ABLIM1: variants seen among roughly 807,000 people sequenced by gnomAD.
The protein encoded by ABLIM1 is actin-binding LIM protein 1.
In ABLIM1, 40 loss-of-function variants were observed where a neutral mutation model predicts 107.0. The observed-to-expected ratio is 0.37, with a 90% CI of 0.29 to 0.49. The LOEUF is 0.49. ABLIM1 is among the 20% of genes least tolerant of loss of function. The probability of loss-of-function intolerance (pLI) is 0.97; values close to 1 mark genes in which losing one functional copy is unlikely to be tolerated. For synonymous variants in ABLIM1, 357 were observed against 357.3 expected (o/e 1.00, Z 0.01); for missense variants, 857 against 1,008.5 (o/e 0.85, Z 2.04).
chr10:114,544,949 C>T, intron 6 of ABLIM1, 56 bp downstream of exon 6: 2 of 1,541,826 alleles, frequency 1.3e-6, no homozygotes, highest in Non-Finnish European at 1.8e-6. Context: ...TTGTTTGTTT[C>T]TGAGGGCCGC....
In ABLIM1 at chr10:114,439,897, G is replaced by A. The variant is rs1352945944; in HGVS notation, c.2067+185C>T. 1.2e-5 allele frequency: 12 copies of A among 1,003,460 alleles called. No homozygotes were observed. In the African/African-American group the frequency reaches 1.6e-4, roughly 14 times the overall value. 62.2% of individuals were successfully genotyped at this position (1,003,460 alleles called of 1,614,324 possible). On this transcript the variant is annotated intron_variant, in intron 20 of 22. Coordinates refer to ENST00000533213, the MANE Select transcript of ABLIM1 (RefSeq NM_002313.7). The stretch of plus-strand genomic sequence containing the variant: ...GGTTCATGCAGTGTCCCCAAGGCCT[G>A]CAGGGACAGCTTGACCCAGGCACCA...
chr10:114,453,213 A>G (rs1269550144), intron 13 of ABLIM1, among the ~76,000 whole-genome samples, 166 bp downstream of exon 13: 1 of 152,254 alleles, frequency 6.6e-6, no homozygotes, highest in Non-Finnish European at 1.5e-5. Flanking sequence ...CCTGGCATTT[A>G]ACACATAAAA....
At chr10:114,443,954 G>T in intron 17 of ABLIM1, 75 bp downstream of exon 17, 2 of 1,206,122 alleles carry the variant, frequency 1.7e-6, no homozygotes, top group Non-Finnish European at 2.4e-6. Flanking sequence ...CACCACAAGT[G>T]AACAGTCAAG....
rs1333824574 is a variant in ABLIM1, at chr10:114,568,285, G to A, written c.673+3012C>T. ...AAAAGGGAAAAGAGCTAGGGCATGC[G>A]GGACTTAATACCTAGGTGATGGGTT... On this transcript the variant is annotated intron_variant, in intron 4 of 22. Transcript: ENST00000533213. Among the ~76,000 whole-genome samples, 12 of 151,708 alleles carry A rather than the reference G, an allele frequency of 7.9e-5. 1 individual carries two copies. The South Asian group carries it at 1.0e-3, about 13-fold the overall frequency.
chr10:114,447,783 T>C, intron 15 of ABLIM1, 97 bp downstream of exon 15: 1 of 1,520,542 alleles, frequency 6.6e-7, no homozygotes, highest in East Asian at 2.3e-5. Context: ...CTTTAAAATC[T>C]TCATAATAGG....
At chr10:114,706,495 C>A (rs2081424094) in intron 1 of ABLIM1, among the ~76,000 whole-genome samples, 1 of 152,214 alleles carries the variant, frequency 6.6e-6, no homozygotes, top group Non-Finnish European at 1.5e-5. Context: ...AATGCACAGT[C>A]CACATGCTGG....
At chr10:114,514,764 C>T (rs1208750535) in intron 6 of ABLIM1, among the ~76,000 whole-genome samples, 1 of 152,174 alleles carries the variant, frequency 6.6e-6, no homozygotes, top group Non-Finnish European at 1.5e-5. Context: ...GTACAGGAAG[C>T]AGGCCTCCCA....
intron 2 of ABLIM1, among the ~76,000 whole-genome samples, chr10:114,599,938 T>C (rs1254326950): frequency 6.6e-6 from 1 of 152,130 alleles, no homozygotes; most frequent in Non-Finnish European, 1.5e-5. Flanking sequence ...AAAAATACAA[T>C]GCTGACTCCA....
chr10:114,795,709 CAA>C, the ABLIM1 span, among the ~76,000 whole-genome samples: 30 of 109,062 alleles, frequency 2.8e-4, no homozygotes, highest in Admixed American at 4.1e-4. Context: ...GACTCCATCT[CAA>C]AAAAAAAAAA....
intron 1 of ABLIM1, among the ~76,000 whole-genome samples, chr10:114,710,375 C>T (rs770900146): frequency 3.6e-4 from 55 of 152,110 alleles, no homozygotes; most frequent in Non-Finnish European, 6.9e-4. Flanking sequence ...GGCAGAAAAG[C>T]AAGGGATATC....
chr10:114,671,766 T>C lies in ABLIM1; in HGVS notation c.64+12524A>G, dbSNP rs527797718. On this transcript the variant is annotated intron_variant, in intron 1 of 23. Transcript: ENST00000369256. ...TAATGAAAGTGAGACTTTTTTCATA[T>C]GCTTATTGACCATTCTGGATATGCT... Among the ~76,000 whole-genome samples the C allele has an allele frequency of 3.3e-5, 5 of 152,386 alleles. No homozygotes were observed. The South Asian group carries it at 1.0e-3, about 32-fold the overall frequency.
chr10:114,652,071 C>A (rs569782010), intron 1 of ABLIM1, among the ~76,000 whole-genome samples: 1 of 152,286 alleles, frequency 6.6e-6, no homozygotes, highest in South Asian at 2.1e-4. Context: ...TTATGGCTAG[C>A]TCAAACACTT....
chr10:114,787,304 G>A, the ABLIM1 span, among the ~76,000 whole-genome samples: 5 of 149,854 alleles, frequency 3.3e-5, no homozygotes, highest in Admixed American at 6.6e-5. Context: ...CCCAGCAGCC[G>A]CCCCGTCTGA....
rs35940521 is a variant in ABLIM1 at position 114,599,785 on chromosome 10, CAAATAAAT to C, written c.379+2034_379+2041del. 4.7e-3 allele frequency among the ~76,000 whole-genome samples: 692 copies of C among 147,016 alleles called. 4 individuals are homozygous for C. Among genetic ancestry groups the C allele is most frequent in the African/African-American group, 0.016 (657 of 40,326 alleles). On this transcript the variant is annotated intron_variant, in intron 2 of 22. Transcript: ENST00000533213. ...CTGGCAACAGAGTGAGACTCCATCT[CAAATAAAT>C]AAATAAATAAATAAATAATAAAATA...
At chr10:114,720,193 T>C (rs538734760) in intron 1 of ABLIM1, among the ~76,000 whole-genome samples, 25 of 152,328 alleles carry the variant, frequency 1.6e-4, no homozygotes, top group Non-Finnish European at 3.2e-4. Context: ...TCCCTGCAAA[T>C]GACATGATCT....
chr10:114,478,971 G>A (rs1027321267), intron 8 of ABLIM1, among the ~76,000 whole-genome samples: 2 of 152,186 alleles, frequency 1.3e-5, no homozygotes, highest in African/African-American at 4.8e-5. Context: ...TGTATTTTAT[G>A]TAAGACAGTG....
At chr10:114,705,022 G>C (rs989467262) in intron 1 of ABLIM1, among the ~76,000 whole-genome samples, 1 of 152,110 alleles carries the variant, frequency 6.6e-6, no homozygotes, top group East Asian at 1.9e-4. Flanking sequence ...TTTAAGAAAG[G>C]GAAGTTCAAG....
chr10:114,461,559 C>T (rs2063913493), intron 12 of ABLIM1, among the ~76,000 whole-genome samples: 1 of 152,130 alleles, frequency 6.6e-6, no homozygotes, highest in Admixed American at 6.5e-5. Context: ...TAGCTCACGC[C>T]TGTAATCCCA....
chr10:114,675,832 C>T (rs2080458423), intron 1 of ABLIM1, among the ~76,000 whole-genome samples: 1 of 152,190 alleles, frequency 6.6e-6, no homozygotes, highest in East Asian at 1.9e-4. Flanking sequence ...AGAATCTGTT[C>T]CATTCCTCTC....
Sources: gnomAD v4.1 joint callset for allele counts (sites outside exome capture counted in the v4.1 genomes callset) on GRCh38, gnomAD v4.1.1 for gene constraint, MANE v1.5 for transcripts, NCBI Gene and HGNC (gene_info 2026-07-23, HGNC 2026-07-21) for gene names.